DCAF8L2: variants seen among roughly 807,000 people sequenced by gnomAD.
The protein encoded by DCAF8L2 is DDB1- and CUL4-associated factor 8-like protein 2.
For missense variants in DCAF8L2, 430 were observed against 490.7 expected (o/e 0.88, Z 1.17); for synonymous variants, 200 against 190.9 (o/e 1.05, Z -0.39).
the DCAF8L2 span, among the ~76,000 whole-genome samples, chrX:27,545,896 A>G: frequency 9.0e-6 from 1 of 111,202 alleles, no homozygotes; most frequent in Non-Finnish European, 1.9e-5. Flanking sequence ...ACAGAACCAA[A>G]CCATATCATT....
chrX:27,617,488 T>C (rs1167285493), intron 1 of DCAF8L2, among the ~76,000 whole-genome samples: 4 of 111,369 alleles, frequency 3.6e-5, no homozygotes, highest in Non-Finnish European at 7.5e-5. Context: ...AAATGAATCA[T>C]ATGATTCAAG....
intron 4 of DCAF8L2, among the ~76,000 whole-genome samples, chrX:27,738,356 T>C (rs767507435): frequency 6.3e-5 from 7 of 111,857 alleles, no homozygotes; most frequent in South Asian, 7.5e-4. Context: ...GCAGGCCTAG[T>C]TGAACACATT....
the DCAF8L2 span, among the ~76,000 whole-genome samples, chrX:27,501,192 TTC>T: frequency 6.7e-3 from 725 of 107,915 alleles, 4 homozygotes; most frequent in Non-Finnish European, 0.011. Context: ...TAAAGAGGCA[TTC>T]TCTCTCTCTC....
chrX:27,663,007 C>T (rs1398515857), intron 2 of DCAF8L2, among the ~76,000 whole-genome samples: 1 of 111,455 alleles, frequency 9.0e-6, no homozygotes, highest in Non-Finnish European at 1.9e-5. Flanking sequence ...CTATTGCATT[C>T]CTATTATCAA....
At chrX:27,495,197 G>T in the DCAF8L2 span, among the ~76,000 whole-genome samples, 34 of 111,818 alleles carry the variant, frequency 3.0e-4, no homozygotes, top group Admixed American at 4.8e-4. Context: ...TGGAATCTTT[G>T]TCAAAACTCA....
chrX:27,682,685 C>T (rs184021401), intron 3 of DCAF8L2, among the ~76,000 whole-genome samples: 150 of 110,371 alleles, frequency 1.4e-3, no homozygotes, highest in Admixed American at 0.012. Flanking sequence ...TGCAAGTTCA[C>T]GATGTTGGCA....
intron 2 of DCAF8L2, among the ~76,000 whole-genome samples, chrX:27,674,308 A>G (rs780247520): frequency 6.3e-5 from 7 of 111,663 alleles, no homozygotes; most frequent in Non-Finnish European, 1.3e-4. Flanking sequence ...TGATGGTATT[A>G]TTTTACTTAT....
chrX:27,583,484 G>C, the DCAF8L2 span, among the ~76,000 whole-genome samples: 1 of 110,898 alleles, frequency 9.0e-6, no homozygotes, highest in Non-Finnish European at 1.9e-5. Flanking sequence ...GGCCCTCTCA[G>C]TGGGAAAAGC....
intron 2 of DCAF8L2, among the ~76,000 whole-genome samples, chrX:27,650,179 G>A (rs181308417): frequency 1.8e-5 from 2 of 111,447 alleles, no homozygotes; most frequent in East Asian, 2.8e-4. Flanking sequence ...CCAGGACAAC[G>A]CTGTTTTGAT....
chrX:27,575,656 G>A, the DCAF8L2 span, among the ~76,000 whole-genome samples: 2 of 112,516 alleles, frequency 1.8e-5, no homozygotes, highest in Non-Finnish European at 3.7e-5. Flanking sequence ...TCTTTGGGAA[G>A]TTCTACCACT....
At chrX:27,742,086 A>G (rs1921884712) in intron 4 of DCAF8L2, among the ~76,000 whole-genome samples, 1 of 112,268 alleles carries the variant, frequency 8.9e-6, no homozygotes, top group Non-Finnish European at 1.9e-5. Context: ...GCAGTAATTT[A>G]AAGGTATTCA....
At chrX:27,567,080 G>A in the DCAF8L2 span, among the ~76,000 whole-genome samples, 3 of 111,195 alleles carry the variant, frequency 2.7e-5, no homozygotes, top group Non-Finnish European at 5.7e-5. Flanking sequence ...TCACTCCACC[G>A]TGGTCCGAGA....
the DCAF8L2 span, among the ~76,000 whole-genome samples, chrX:27,542,697 T>C: frequency 9.4e-6 from 1 of 106,343 alleles, no homozygotes; most frequent in African/African-American, 3.4e-5. Context: ...CGCCCGCCAC[T>C]ACGCCCGGCT....
chrX:27,582,618 G>C, the DCAF8L2 span, among the ~76,000 whole-genome samples: 1 of 111,512 alleles, frequency 9.0e-6, no homozygotes, highest in Admixed American at 9.5e-5. Flanking sequence ...CATCACATCA[G>C]TGGGGCTCAT....
At position 27,747,327 on chromosome X, in the gene DCAF8L2, G is replaced by GGAGGAAGAA; in HGVS notation, c.434_435insGGAAGAAGA (p.Glu145_Glu147dup). 2 of 1,124,556 alleles carry GGAGGAAGAA rather than the reference G, an allele frequency of 1.8e-6. No individual in the cohort carries two copies. Among genetic ancestry groups the GGAGGAAGAA allele is most frequent in the Non-Finnish European group, 2.4e-6 (2 of 849,906 alleles). 92.7% of individuals were successfully genotyped at this position (1,124,556 alleles called of 1,213,427 possible). On this transcript the variant is annotated inframe_insertion, in exon 5 of 5. Coordinates refer to ENST00000451261, the MANE Select transcript of DCAF8L2 (RefSeq NM_001353450.2). ...AGGAGGAGGAGGAGGAGGAGGAGGAGGAAGAAGAACAGCCTCGGGCGGGTC... is the reference window on the plus strand; with the variant it reads ...AGGAGGAGGAGGAGGAGGAGGAGGAGGAGGAAGAAGAAGAAGAACAGCCTCGGGCGGGTC...
chrX:27,726,437 GCT>G (rs1932072902), intron 4 of DCAF8L2, among the ~76,000 whole-genome samples: 1 of 111,074 alleles, frequency 9.0e-6, no homozygotes, highest in South Asian at 3.7e-4. Flanking sequence ...AATTTTATAA[GCT>G]TTTAAATATT....
the DCAF8L2 span, among the ~76,000 whole-genome samples, chrX:27,540,023 C>G: frequency 9.0e-6 from 1 of 110,507 alleles, no homozygotes; most frequent in South Asian, 3.9e-4. Flanking sequence ...ATCAGCTGTG[C>G]TACTAGGTCA....
intron 4 of DCAF8L2, among the ~76,000 whole-genome samples, chrX:27,745,262 C>T (rs1922105033): frequency 8.9e-6 from 1 of 112,029 alleles, no homozygotes; most frequent in South Asian, 3.7e-4. Flanking sequence ...AGATTTCAAC[C>T]TTCTTCTCTT....
chrX:27,702,929 A>T (rs1380100968), intron 3 of DCAF8L2, among the ~76,000 whole-genome samples: 2 of 111,485 alleles, frequency 1.8e-5, no homozygotes, highest in East Asian at 5.6e-4. Context: ...AGATGACCTG[A>T]CCTTGTGTAC....
Sources: gnomAD v4.1 joint callset for allele counts (sites outside exome capture counted in the v4.1 genomes callset) on GRCh38, gnomAD v4.1.1 for gene constraint, MANE v1.5 for transcripts, NCBI Gene and HGNC (gene_info 2026-07-23, HGNC 2026-07-21) for gene names.